Variants in SOX5 observed in about 807,000 individuals in gnomAD.
The protein encoded by SOX5 is SRY-box transcription factor 5, also known as transcription factor SOX-5.
In SOX5, 9 loss-of-function variants were observed where a neutral mutation model predicts 92.0. That is an observed-to-expected ratio of 0.10 (90% confidence interval 0.06 to 0.17). SOX5 has a LOEUF of 0.17. Among genes scored for constraint, SOX5 ranks in the 10% least tolerant of loss-of-function variants. SOX5 has a pLI of 1.00. For synonymous variants in SOX5, 344 were observed against 336.3 expected (o/e 1.02, Z -0.25); for missense variants, 642 against 944.5 (o/e 0.68, Z 4.20).
chr12:24,493,515 A>G (rs1947300082), intron 1 of SOX5, among the ~76,000 whole-genome samples: 1 of 152,212 alleles, frequency 6.6e-6, no homozygotes, highest in African/African-American at 2.4e-5. Flanking sequence ...GATATCAGGT[A>G]TGTAGGAGCT....
chr12:23,833,041 G>A (rs948141719), intron 3 of SOX5, among the ~76,000 whole-genome samples: 1 of 151,796 alleles, frequency 6.6e-6, no homozygotes, highest in Admixed American at 6.6e-5. Flanking sequence ...TTTACATTGT[G>A]GATTCATTTG....
chr12:23,913,717 C>G (rs1032388486), intron 1 of SOX5, among the ~76,000 whole-genome samples: 4 of 130,404 alleles, frequency 3.1e-5, no homozygotes, highest in African/African-American at 5.8e-5. Flanking sequence ...GCCTGGGCAA[C>G]AAGAGCAAAA....
At position 23,617,771 on chromosome 12, in the gene SOX5, T is replaced by C. The variant is rs555919666; in HGVS notation, c.1018-13238A>G. ...GCTTTCTTCATTACACACCAATAAA[T>C]CTTAAACAGCTAGAAAAAAAAAACA... is the stretch of plus-strand genomic sequence containing the variant. On this transcript the variant is annotated intron_variant, in intron 8 of 14. Coordinates refer to ENST00000451604, the MANE Select transcript of SOX5 (RefSeq NM_006940.6). 5.3e-5 allele frequency among the ~76,000 whole-genome samples: 8 copies of C among 150,964 alleles called. No individual in the cohort carries two copies. The South Asian group carries it at 1.7e-3, about 31-fold the overall frequency.
At chr12:23,873,278 C>T (rs2096893809) in intron 2 of SOX5, among the ~76,000 whole-genome samples, 1 of 150,122 alleles carries the variant, frequency 6.7e-6, no homozygotes, top group South Asian at 2.1e-4. Flanking sequence ...GAAGACCGGC[C>T]TGGGCAACAT....
intron 3 of SOX5, among the ~76,000 whole-genome samples, chr12:24,247,164 G>T (rs1366658854): frequency 6.6e-6 from 1 of 152,132 alleles, no homozygotes; most frequent in Non-Finnish European, 1.5e-5. Context: ...TGTGCTGTGG[G>T]TAGGGACATC....
At chr12:24,342,494 A>G (rs1218479984) in intron 2 of SOX5, among the ~76,000 whole-genome samples, 2 of 152,204 alleles carry the variant, frequency 1.3e-5, no homozygotes. Context: ...GTTATTTGCT[A>G]TTCAAATCTT....
At chr12:24,245,438 A>G (rs1445542814) in intron 3 of SOX5, among the ~76,000 whole-genome samples, 1 of 152,188 alleles carries the variant, frequency 6.6e-6, no homozygotes, top group Non-Finnish European at 1.5e-5. Flanking sequence ...ACTTTAAAAA[A>G]CTTATAAACT....
intron 2 of SOX5, among the ~76,000 whole-genome samples, chr12:24,327,729 G>A (rs1201999008): frequency 6.6e-6 from 1 of 151,930 alleles, no homozygotes; most frequent in Non-Finnish European, 1.5e-5. Flanking sequence ...GACTACAGGA[G>A]CCTGCCACCA....
chr12:23,708,539 T>C (rs371349215), intron 6 of SOX5, among the ~76,000 whole-genome samples: 2 of 152,296 alleles, frequency 1.3e-5, no homozygotes, highest in East Asian at 3.9e-4. Flanking sequence ...GAGTCAACGA[T>C]AAACATTAGG....
At chr12:24,492,852 AT>A (rs1566300395) in intron 1 of SOX5, among the ~76,000 whole-genome samples, 2 of 152,158 alleles carry the variant, frequency 1.3e-5, no homozygotes, top group South Asian at 4.1e-4. Flanking sequence ...GTGTATTAAA[AT>A]TTTTTTAAGA....
intron 1 of SOX5, among the ~76,000 whole-genome samples, chr12:24,380,331 C>A (rs559885012): frequency 6.6e-6 from 1 of 152,322 alleles, no homozygotes; most frequent in African/African-American, 2.4e-5. Context: ...AGAGGATTAA[C>A]AGAATTCCTT....
intron 1 of SOX5, among the ~76,000 whole-genome samples, chr12:24,512,578 G>A (rs79336867): frequency 0.025 from 3,748 of 152,310 alleles, 54 homozygotes; most frequent in Middle Eastern, 0.044. Flanking sequence ...TTTAAAAGGA[G>A]TGGTGGAGAG....
intron 4 of SOX5, among the ~76,000 whole-genome samples, chr12:23,970,748 T>C (rs763583486): frequency 9.6e-5 from 14 of 145,086 alleles, no homozygotes; most frequent in East Asian, 2.0e-4. Context: ...GCAATGAACA[T>C]TGGTGTCCAC....
At chr12:24,099,178 C>T (rs559097404) in intron 4 of SOX5, among the ~76,000 whole-genome samples, 2 of 152,264 alleles carry the variant, frequency 1.3e-5, no homozygotes, top group Non-Finnish European at 2.9e-5. Context: ...AATCCACCTT[C>T]CAGTTGTGAC....
chr12:23,926,061 T>C (rs1051915913), intron 1 of SOX5, among the ~76,000 whole-genome samples: 2 of 152,100 alleles, frequency 1.3e-5, no homozygotes, highest in African/African-American at 4.8e-5. Flanking sequence ...ATCAATTTGA[T>C]AGTTCCAGGA....
chr12:23,913,746 A>G (rs111711107), intron 1 of SOX5, among the ~76,000 whole-genome samples: 1,739 of 151,778 alleles, frequency 0.011, 23 homozygotes, highest in African/African-American at 0.04. Flanking sequence ...CAGAAGAAAA[A>G]AAAAAAAAAA....
chr12:23,844,921 A>T (rs1023723582), intron 3 of SOX5, among the ~76,000 whole-genome samples: 2 of 152,222 alleles, frequency 1.3e-5, no homozygotes, highest in Non-Finnish European at 2.9e-5. Flanking sequence ...TCTTTGGCTG[A>T]CAAGAATATC....
chr12:23,694,947 T>C (rs2089534344), intron 6 of SOX5, among the ~76,000 whole-genome samples: 1 of 151,962 alleles, frequency 6.6e-6, no homozygotes, highest in Non-Finnish European at 1.5e-5. Flanking sequence ...GGTGAAACCC[T>C]ATCTCTACAA....
intron 1 of SOX5, among the ~76,000 whole-genome samples, chr12:23,914,144 C>T (rs1214911944): frequency 2.0e-5 from 3 of 152,144 alleles, no homozygotes; most frequent in Non-Finnish European, 4.4e-5. Context: ...TCATTTCCTA[C>T]AAAATCAACT....
Sources: allele counts gnomAD v4.1 joint callset (sites outside exome capture counted in the v4.1 genomes callset), GRCh38; gene constraint gnomAD v4.1.1; transcripts MANE v1.5; gene names NCBI Gene and HGNC (gene_info 2026-07-23, HGNC 2026-07-21).